MAPK10: variants seen among roughly 807,000 people sequenced by gnomAD.
MAPK10 encodes JNK3 alpha protein kinase.
In MAPK10, 25 loss-of-function variants were observed where a neutral mutation model predicts 59.3. The observed-to-expected ratio is 0.42, with a 90% CI of 0.31 to 0.59. The LOEUF is 0.59. Ranked by LOEUF, MAPK10 falls within the 20% of genes least tolerant of loss-of-function variation. The pLI is 0.15. For synonymous variants in MAPK10, 190 were observed against 200.5 expected, an observed-to-expected ratio of 0.95 and a Z score of 0.44; for missense variants, 351 against 568.9, an observed-to-expected ratio of 0.62 and a Z score of 3.90.
At chr4:86,450,320 T>A (rs2149054365) in intron 1 of MAPK10, among the ~76,000 whole-genome samples, 1 of 152,302 alleles carries the variant, frequency 6.6e-6, no homozygotes, top group East Asian at 1.9e-4. Flanking sequence ...CAGTAGGAAA[T>A]TCCAGAATAA....
chr4:86,034,838 G>C (rs2039858063), intron 11 of MAPK10, among the ~76,000 whole-genome samples: 2 of 152,220 alleles, frequency 1.3e-5, no homozygotes, highest in South Asian at 4.2e-4. Flanking sequence ...GAGGAAAAAA[G>C]TGACTCCATG....
At chr4:86,052,989 A>AT (rs537466785) in intron 11 of MAPK10, among the ~76,000 whole-genome samples, 2,772 of 150,556 alleles carry the variant, frequency 0.018, 93 homozygotes, top group African/African-American at 0.063. Context: ...CCTGGAGGGT[A>AT]TTTTTTTTTT....
At chr4:86,216,295 C>CATATATATATATATATAT (rs10639041) in intron 2 of MAPK10, among the ~76,000 whole-genome samples, 16 of 131,142 alleles carry the variant, frequency 1.2e-4, no homozygotes, top group African/African-American at 5.1e-4. Context: ...ATATATATAG[C>CATATATATATATATATAT]ATATATATAT....
At chr4:86,483,006 G>A (rs566384837) in intron 1 of MAPK10, among the ~76,000 whole-genome samples, 1 of 152,142 alleles carries the variant, frequency 6.6e-6, no homozygotes, top group Non-Finnish European at 1.5e-5. Flanking sequence ...CACAGCAGGG[G>A]TTAAATGTGC....
intron 1 of MAPK10, among the ~76,000 whole-genome samples, chr4:86,532,711 G>A (rs1757936437): frequency 6.6e-6 from 1 of 151,804 alleles, no homozygotes; most frequent in Admixed American, 6.6e-5. Context: ...ACTCACTGGA[G>A]AGTCTTTCCC....
chr4:86,143,421 T>C (rs1303086177), intron 4 of MAPK10, among the ~76,000 whole-genome samples: 1 of 152,220 alleles, frequency 6.6e-6, no homozygotes, highest in Non-Finnish European at 1.5e-5. Flanking sequence ...TTTGGTCACA[T>C]GGACAGAACA....
intron 3 of MAPK10, among the ~76,000 whole-genome samples, chr4:86,189,043 C>T (rs1474246338): frequency 6.6e-6 from 1 of 151,866 alleles, no homozygotes; most frequent in African/African-American, 2.4e-5. Flanking sequence ...TGTTGAAGAT[C>T]AGATGGTTGT....
intron 12 of MAPK10, 49 bp from the exon 13 acceptor site, chr4:86,029,323 C>T (rs1369843987): frequency 8.4e-7 from 1 of 1,191,656 alleles, no homozygotes; most frequent in South Asian, 1.2e-5. Context: ...ATCCTTCATC[C>T]ACAGGGAAAT....
intron 1 of MAPK10, among the ~76,000 whole-genome samples, chr4:86,414,474 A>C (rs1467124137): frequency 6.6e-6 from 1 of 152,236 alleles, no homozygotes; most frequent in East Asian, 1.9e-4. Flanking sequence ...TGATAGCTAG[A>C]ATTGTTACCA....
chr4:86,295,959 T>G (rs2095351931), intron 2 of MAPK10, among the ~76,000 whole-genome samples: 1 of 151,310 alleles, frequency 6.6e-6, no homozygotes, highest in African/African-American at 2.4e-5. Flanking sequence ...GCAGATCACC[T>G]GAGGTCAGGA....
intron 4 of MAPK10, among the ~76,000 whole-genome samples, chr4:86,151,753 GA>G (rs1440105243): frequency 2.6e-5 from 4 of 152,124 alleles, no homozygotes; most frequent in Non-Finnish European, 5.9e-5. Flanking sequence ...GGTCACTGAA[GA>G]GAAGGGAGAA....
At chr4:86,200,337 C>T (rs2082324908) in intron 2 of MAPK10, among the ~76,000 whole-genome samples, 1 of 151,988 alleles carries the variant, frequency 6.6e-6, no homozygotes, top group South Asian at 2.1e-4. Context: ...AAATACTCCT[C>T]ACCCTCCAAA....
chr4:86,328,140 T>G lies in MAPK10; in HGVS notation c.-7+26390A>C, dbSNP rs139414666. ...TAAAGCCCTTATAAAACAGGCTTCC[T>G]TTAACAAATTTACAAGAAAGAAACA... On this transcript the variant is annotated intron_variant, in intron 2 of 13. Transcript: ENST00000641462. 2.1e-3 allele frequency among the ~76,000 whole-genome samples: 320 copies of G among 152,160 alleles called. 1 individual carries two copies. The highest frequency in any genetic ancestry group is 7.5e-3 in the African/African-American group (311 of 41,504).
At chr4:86,501,552 C>T (rs1037449699) in intron 1 of MAPK10, among the ~76,000 whole-genome samples, 4 of 151,914 alleles carry the variant, frequency 2.6e-5, no homozygotes, top group African/African-American at 4.8e-5. Context: ...AAGGAGGGTT[C>T]GCTTTTTTAT....
At chr4:86,445,057 T>A (rs1186289340) in intron 1 of MAPK10, among the ~76,000 whole-genome samples, 1 of 152,202 alleles carries the variant, frequency 6.6e-6, no homozygotes, top group African/African-American at 2.4e-5. Context: ...GACCCAGCAA[T>A]CTGATTTCTG....
At chr4:86,135,468 C>T (rs1215747860) in intron 4 of MAPK10, among the ~76,000 whole-genome samples, 1 of 152,152 alleles carries the variant, frequency 6.6e-6, no homozygotes, top group Non-Finnish European at 1.5e-5. Flanking sequence ...AGACCTTCAG[C>T]TGAGGGTCCT....
In MAPK10 at chr4:86,266,920, A is replaced by C. The variant is rs182133247; in HGVS notation, c.-6-72513T>G. ...TTTTATTATATATAGATATGTATTT[A>C]TGTATTTTCTTTTGGTGGTATGGAT... On this transcript the variant is annotated intron_variant, in intron 2 of 13. Transcript: ENST00000641462. Among the ~76,000 whole-genome samples the C allele has an allele frequency of 6.1e-3, 934 of 152,112 alleles. 13 individuals carry two copies. The highest frequency in any genetic ancestry group is 0.021 in the African/African-American group (890 of 41,518).
chr4:86,203,494 A>G (rs754804151), intron 2 of MAPK10, among the ~76,000 whole-genome samples: 18 of 151,654 alleles, frequency 1.2e-4, no homozygotes, highest in Non-Finnish European at 2.1e-4. Flanking sequence ...TTTGTCACTG[A>G]ACTGCAATAT....
chr4:86,462,722 T>A (rs1295459732), intron 1 of MAPK10, among the ~76,000 whole-genome samples: 1 of 152,066 alleles, frequency 6.6e-6, no homozygotes, highest in Non-Finnish European at 1.5e-5. Context: ...ACCTATAAAT[T>A]TATGGGGAAG....
Sources: allele counts gnomAD v4.1 joint callset (sites outside exome capture counted in the v4.1 genomes callset), GRCh38; gene constraint gnomAD v4.1.1; transcripts MANE v1.5; gene names NCBI Gene and HGNC (gene_info 2026-07-23, HGNC 2026-07-21).